Variants in PTPRD observed in about 807,000 individuals in gnomAD.
PTPRD encodes the protein receptor-type tyrosine-protein phosphatase delta.
Under a neutral mutation model 214.5 loss-of-function variants are expected in PTPRD, and 34 were observed. The ratio of observed to expected loss-of-function variants is 0.16; its 90% confidence interval spans 0.12 to 0.21. The LOEUF (loss-of-function observed/expected upper bound fraction) is 0.21. Among genes scored for constraint, PTPRD ranks in the 10% least tolerant of loss-of-function variants. The probability of loss-of-function intolerance (pLI) is 1.00; values close to 1 mark genes in which losing one functional copy is unlikely to be tolerated. For missense variants in PTPRD, 2,545 were observed against 2,398.7 expected, an observed-to-expected ratio of 1.06 and a Z score of -1.27; for synonymous variants, 1,128 against 845.7, an observed-to-expected ratio of 1.33 and a Z score of -5.79.
At chr9:9,954,310 A>AC (rs1566685915) in intron 4 of PTPRD, among the ~76,000 whole-genome samples, 17 of 149,992 alleles carry the variant, frequency 1.1e-4, no homozygotes, top group Non-Finnish European at 2.1e-4. Flanking sequence ...AAAAAAAAAA[A>AC]AAAAAAAAAA....
In PTPRD at chr9:8,499,852, T is replaced by A. The variant is rs374218513; in HGVS notation, c.2129-12A>T. 8.8e-6 allele frequency: 14 copies of A among 1,592,624 alleles called. No homozygotes were observed. Among genetic ancestry groups the A allele is most frequent in the Non-Finnish European group, 3.4e-6 (4 of 1,170,548 alleles). Reference sequence around the variant, plus strand: ...AGGACCACTAGGAACTGGAACAACATCATTGGATAAAAGAAATTATAGGCA... The same window carrying A: ...AGGACCACTAGGAACTGGAACAACAACATTGGATAAAAGAAATTATAGGCA... On this transcript the variant is annotated splice_polypyrimidine_tract_variant and intron_variant, in intron 24 of 45. Coordinates refer to ENST00000381196, the MANE Select transcript of PTPRD (RefSeq NM_002839.4).
chr9:8,941,996 G>A (rs1427744868), intron 11 of PTPRD, among the ~76,000 whole-genome samples: 3 of 152,082 alleles, frequency 2.0e-5, no homozygotes, highest in African/African-American at 7.2e-5. Flanking sequence ...ACTAGAGATG[G>A]GGTTTCACCA....
intron 39 of PTPRD, among the ~76,000 whole-genome samples, chr9:8,351,190 C>G (rs2075344667): frequency 6.6e-6 from 1 of 152,100 alleles, no homozygotes; most frequent in Admixed American, 6.6e-5. Flanking sequence ...AAGACATTGT[C>G]AAGCCCACTT....
intron 9 of PTPRD, among the ~76,000 whole-genome samples, chr9:9,335,483 C>T (rs1370806093): frequency 1.3e-5 from 2 of 152,052 alleles, no homozygotes; most frequent in Non-Finnish European, 2.9e-5. Context: ...CCCATCTTTT[C>T]ACTTGTATAT....
chr9:8,909,662 C>G (rs10977355), intron 11 of PTPRD, among the ~76,000 whole-genome samples: 23,884 of 151,930 alleles, frequency 0.16, 2,247 homozygotes, highest in Non-Finnish European at 0.21. Context: ...AAACGGAATG[C>G]TTTTCTCCTA....
intron 4 of PTPRD, among the ~76,000 whole-genome samples, chr9:10,007,503 G>A (rs916007405): frequency 6.6e-6 from 1 of 151,990 alleles, no homozygotes; most frequent in Non-Finnish European, 1.5e-5. Flanking sequence ...AAGACAGAAG[G>A]CCATCTGTTT....
At chr9:9,977,621 C>T (rs540898403) in intron 4 of PTPRD, among the ~76,000 whole-genome samples, 7 of 152,110 alleles carry the variant, frequency 4.6e-5, no homozygotes, top group Admixed American at 3.9e-4. Flanking sequence ...GATAAGTGAA[C>T]GCAATAAAAA....
At chr9:9,729,993 C>T (rs1432311072) in intron 7 of PTPRD, among the ~76,000 whole-genome samples, 1 of 151,948 alleles carries the variant, frequency 6.6e-6, no homozygotes, top group East Asian at 1.9e-4. Context: ...TTGGTTTGTT[C>T]TCTACAATTT....
At chr9:9,730,692 G>C (rs1194513920) in intron 7 of PTPRD, among the ~76,000 whole-genome samples, 1 of 152,080 alleles carries the variant, frequency 6.6e-6, no homozygotes, top group Non-Finnish European at 1.5e-5. Context: ...AGTCTTTAGA[G>C]TCCAAAGGAT....
rs111397418 is a variant in PTPRD at position 10,487,799 on chromosome 9, T to A, written c.-600+124599A>T. ...TACCTATGTATGTAACAAACCTGCA[T>A]GTTCTGCACATGCATTCTATTATTT... On this transcript the variant is annotated intron_variant, in intron 2 of 45. Transcript: ENST00000381196. 1.8e-3 allele frequency among the ~76,000 whole-genome samples: 274 copies of A among 151,900 alleles called. 2 individuals are homozygous for A. Among genetic ancestry groups the A allele is most frequent in the African/African-American group, 6.3e-3 (262 of 41,422 alleles).
chr9:8,717,282 T>C (rs2098447358), intron 12 of PTPRD, among the ~76,000 whole-genome samples: 1 of 152,206 alleles, frequency 6.6e-6, no homozygotes, highest in East Asian at 1.9e-4. Context: ...GGAAGAGAAA[T>C]ACACAAAGTG....
intron 35 of PTPRD, among the ~76,000 whole-genome samples, chr9:8,412,888 A>G (rs2131111916): frequency 6.6e-6 from 1 of 152,280 alleles, no homozygotes; most frequent in Non-Finnish European, 1.5e-5. Flanking sequence ...CACTTTTTGC[A>G]TTTCATATAA....
At chr9:10,444,233 A>G (rs1345015768) in intron 2 of PTPRD, among the ~76,000 whole-genome samples, 2 of 151,822 alleles carry the variant, frequency 1.3e-5, no homozygotes, top group Non-Finnish European at 3.0e-5. Context: ...ATTCTGAAAT[A>G]TTTTATTCTA....
chr9:10,018,230 C>G (rs909488093), intron 4 of PTPRD, among the ~76,000 whole-genome samples: 1 of 151,090 alleles, frequency 6.6e-6, no homozygotes, highest in Non-Finnish European at 1.5e-5. Flanking sequence ...GGGAGGAAGA[C>G]AAAAGAAAAG....
In PTPRD at chr9:9,428,313, A is replaced by G. The variant is rs201748519; in HGVS notation, c.-236-30831T>C. The stretch of plus-strand genomic sequence containing the variant: ...ACCAACAAAGATCAGAAGAGACAAA[A>G]AAGGCCATTACATAATGGTAAAGGG... On this transcript the variant is annotated intron_variant, in intron 8 of 45. Coordinates refer to ENST00000381196, the MANE Select transcript of PTPRD (RefSeq NM_002839.4). 1.3e-3 allele frequency among the ~76,000 whole-genome samples: 203 copies of G among 152,274 alleles called. 2 individuals carry two copies. Among genetic ancestry groups the G allele is most frequent in the Non-Finnish European group, 2.6e-4 (18 of 68,010 alleles).
chr9:9,422,662 G>C (rs1023861979), intron 8 of PTPRD, among the ~76,000 whole-genome samples: 39 of 152,254 alleles, frequency 2.6e-4, no homozygotes, highest in Middle Eastern at 3.4e-3. Flanking sequence ...GAAGCTGGTA[G>C]AGCTTTCTGC....
At chr9:9,571,190 A>T (rs1293364467) in intron 8 of PTPRD, among the ~76,000 whole-genome samples, 1 of 151,530 alleles carries the variant, frequency 6.6e-6, no homozygotes, top group Non-Finnish European at 1.5e-5. Context: ...TGCATAACTG[A>T]TACAAAATTT....
intron 3 of PTPRD, among the ~76,000 whole-genome samples, chr9:10,184,127 T>A (rs963191625): frequency 6.6e-6 from 1 of 152,130 alleles, no homozygotes; most frequent in East Asian, 1.9e-4. Context: ...CTGGTTTCAA[T>A]AAAAAAGAAA....
At chr9:9,439,336 T>C (rs1311583463) in intron 8 of PTPRD, among the ~76,000 whole-genome samples, 1 of 152,182 alleles carries the variant, frequency 6.6e-6, no homozygotes, top group Non-Finnish European at 1.5e-5. Context: ...GAAGATACTT[T>C]GATTTCCAAG....
Sources: gnomAD v4.1 joint callset for allele counts (sites outside exome capture counted in the v4.1 genomes callset) on GRCh38, gnomAD v4.1.1 for gene constraint, MANE v1.5 for transcripts, NCBI Gene and HGNC (gene_info 2026-07-23, HGNC 2026-07-21) for gene names.